The following ESRRG variants were observed in gnomAD, a reference collection of about 807,000 sequenced individuals.
ESRRG encodes the protein estrogen related receptor gamma.
A neutral mutation model predicts 44.0 loss-of-function variants in ESRRG; 13 were observed. The ratio of observed to expected loss-of-function variants is 0.30; its 90% CI spans 0.19 to 0.47. The LOEUF (loss-of-function observed/expected upper bound fraction) is 0.47, where lower values mean the gene tolerates loss of function less well. Among genes scored for constraint, ESRRG ranks in the 20% least tolerant of loss-of-function variants. The pLI is 1.00. For synonymous variants in ESRRG, 215 were observed against 214.6 expected, an observed-to-expected ratio of 1.00 and a Z score of -0.02; for missense variants, 395 against 580.6, an observed-to-expected ratio of 0.68 and a Z score of 3.29.
chr1:216,589,166 A>G (rs1034231461), intron 3 of ESRRG, among the ~76,000 whole-genome samples: 7 of 152,206 alleles, frequency 4.6e-5, no homozygotes, highest in Non-Finnish European at 8.8e-5. Flanking sequence ...AATTCAGGTA[A>G]GAATGCAGGA....
rs930936588 is a variant in ESRRG at position 216,746,880 on chromosome 1, T to C, written c.-13-69389A>G. Among the ~76,000 whole-genome samples, 7 of 152,308 alleles carry C rather than the reference T, an allele frequency of 4.6e-5. No individual in the cohort carries two copies. The East Asian group carries it at 1.4e-3, about 29-fold the overall frequency. ...TTTGCTTTACTTTGTGCTATACCTG[T>C]TTGCAAGGAATTGTAACCATTTTCC... On this transcript the variant is annotated intron_variant, in intron 2 of 7. Coordinates refer to the ESRRG transcript ENST00000359162.
intron 2 of ESRRG, among the ~76,000 whole-genome samples, chr1:216,842,746 A>C (rs1013111664): frequency 2.6e-5 from 4 of 152,204 alleles, no homozygotes; most frequent in Non-Finnish European, 4.4e-5. Context: ...AAGCAATACT[A>C]CTAATCCAAG....
chr1:217,107,375 C>A (rs2092609862), intron 1 of ESRRG, among the ~76,000 whole-genome samples: 1 of 152,196 alleles, frequency 6.6e-6, no homozygotes, highest in South Asian at 2.1e-4. Flanking sequence ...ATTCAGGTGA[C>A]AACAATAATT....
chr1:217,124,523 C>A (rs576985278), intron 1 of ESRRG, among the ~76,000 whole-genome samples: 3 of 152,150 alleles, frequency 2.0e-5, no homozygotes, highest in African/African-American at 7.2e-5. Flanking sequence ...GAACTCTCCA[C>A]GTGCATGAAT....
chr1:216,839,581 G>A (rs1056016537), intron 2 of ESRRG, among the ~76,000 whole-genome samples: 8 of 152,156 alleles, frequency 5.3e-5, no homozygotes, highest in African/African-American at 1.4e-4. Flanking sequence ...TAAATAATAA[G>A]ACTTGAAAGT....
intron 1 of ESRRG, among the ~76,000 whole-genome samples, chr1:216,942,318 T>G (rs1560200847): frequency 1.3e-5 from 2 of 152,214 alleles, no homozygotes; most frequent in Non-Finnish European, 2.9e-5. Flanking sequence ...CTTCAACTTA[T>G]GGACACCTGG....
intron 2 of ESRRG, among the ~76,000 whole-genome samples, chr1:216,822,985 T>G (rs557987249): frequency 6.6e-6 from 1 of 152,192 alleles, no homozygotes; most frequent in Non-Finnish European, 1.5e-5. Flanking sequence ...ATTGTTGAGA[T>G]TGAAGATGAG....
In ESRRG at chr1:216,828,431, T is replaced by C. The variant is rs553368320; in HGVS notation, c.-14+111151A>G. On this transcript the variant is annotated intron_variant, in intron 2 of 7. Coordinates refer to the ESRRG transcript ENST00000359162. ...ATGGAAGGAGACCAGGTTTCATATG[T>C]TACCACATCTGCCTGGTGGAGATGC... 9.9e-4 allele frequency among the ~76,000 whole-genome samples: 150 copies of C among 152,256 alleles called. 1 individual carries two copies. Among genetic ancestry groups the C allele is most frequent in the Non-Finnish European group, 2.0e-3 (136 of 68,016 alleles).
intron 2 of ESRRG, among the ~76,000 whole-genome samples, chr1:216,776,767 A>AC (rs2093631308): frequency 2.0e-5 from 3 of 151,974 alleles, no homozygotes; most frequent in South Asian, 4.2e-4. Context: ...TAATCTCAAG[A>AC]CCCCCCAGTC....
intron 2 of ESRRG, among the ~76,000 whole-genome samples, chr1:216,925,741 A>C (rs2062468664): frequency 6.6e-6 from 1 of 151,988 alleles, no homozygotes; most frequent in Non-Finnish European, 1.5e-5. Context: ...GCCTGAGGTC[A>C]GGAGTTTGAG....
At chr1:216,771,296 A>C (rs2093367993) in intron 2 of ESRRG, among the ~76,000 whole-genome samples, 1 of 152,198 alleles carries the variant, frequency 6.6e-6, no homozygotes, top group African/African-American at 2.4e-5. Context: ...ATGCTTTAGC[A>C]CAAATACACA....
At chr1:216,912,166 AAAAGAAAAGAAAAGAAAAGG>A (rs1413660134) in intron 2 of ESRRG, among the ~76,000 whole-genome samples, 5,529 of 41,172 alleles carry the variant, frequency 0.13, 630 homozygotes, top group Admixed American at 0.22. Flanking sequence ...AAAAGAAAAG[AAAAGAAAAGAAAAGAAAAGG>A]AGAGGAGAGG....
chr1:216,901,758 T>G (rs114379719), intron 2 of ESRRG, among the ~76,000 whole-genome samples: 3,976 of 151,068 alleles, frequency 0.026, 72 homozygotes, highest in Non-Finnish European at 0.037. Context: ...TGCCTACTGA[T>G]ACTTCTTTTA....
chr1:217,108,454 T>C (rs1237817616), intron 1 of ESRRG, among the ~76,000 whole-genome samples: 2 of 152,154 alleles, frequency 1.3e-5, no homozygotes, highest in Non-Finnish European at 2.9e-5. Flanking sequence ...GAATGTGATA[T>C]AGTTTGGATG....
intron 2 of ESRRG, among the ~76,000 whole-genome samples, chr1:216,878,496 T>C (rs1417532447): frequency 6.6e-6 from 1 of 152,234 alleles, no homozygotes; most frequent in Non-Finnish European, 1.5e-5. Context: ...ATCATGAAGA[T>C]ATTCTCCTGC....
intron 1 of ESRRG, among the ~76,000 whole-genome samples, chr1:217,041,049 A>G (rs1023929661): frequency 5.9e-5 from 9 of 152,186 alleles, no homozygotes; most frequent in Non-Finnish European, 1.3e-4. Context: ...ATAATCTTTT[A>G]CATTTAGTTC....
intron 2 of ESRRG, among the ~76,000 whole-genome samples, chr1:216,746,096 G>A (rs2091365006): frequency 6.6e-6 from 1 of 152,126 alleles, no homozygotes; most frequent in Non-Finnish European, 1.5e-5. Context: ...CTTTTATTGT[G>A]CAATTATCTA....
chr1:216,910,650 T>C (rs1041465409), intron 2 of ESRRG, among the ~76,000 whole-genome samples: 2 of 152,198 alleles, frequency 1.3e-5, no homozygotes, highest in African/African-American at 2.4e-5. Flanking sequence ...TATTATACTC[T>C]TGATGTCAGG....
intron 2 of ESRRG, among the ~76,000 whole-genome samples, chr1:216,733,665 C>T (rs1260162575): frequency 2.0e-5 from 3 of 152,024 alleles, no homozygotes; most frequent in Non-Finnish European, 4.4e-5. Flanking sequence ...TAGTCAGCTA[C>T]AATATTTAGC....
Sources: gnomAD v4.1 joint callset for allele counts (sites outside exome capture counted in the v4.1 genomes callset) on GRCh38, gnomAD v4.1.1 for gene constraint, MANE v1.5 for transcripts, NCBI Gene and HGNC (gene_info 2026-07-23, HGNC 2026-07-21) for gene names.